NOD2: variants seen among roughly 807,000 people sequenced by gnomAD.
NOD2 encodes nucleotide-binding oligomerization domain-containing protein 2.
Under a neutral mutation model 90.9 loss-of-function variants are expected in NOD2, and 86 were observed. The observed-to-expected ratio is 0.95, with a 90% CI of 0.79 to 1.13. The LOEUF (loss-of-function observed/expected upper bound fraction) is 1.13, where lower values mean the gene tolerates loss of function less well. NOD2 is among the 50% of genes most tolerant of loss of function. NOD2 has a pLI of 0.00. For missense variants in NOD2, 1,238 were observed against 1,283.8 expected, an observed-to-expected ratio of 0.96 and a Z score of 0.55; for synonymous variants, 581 against 554.6, an observed-to-expected ratio of 1.05 and a Z score of -0.67.
chr16:50,720,838 T>C (rs1300828202), intron 7 of NOD2, among the ~76,000 whole-genome samples: 2 of 151,404 alleles, frequency 1.3e-5, no homozygotes, highest in Non-Finnish European at 2.9e-5. Context: ...GTAGTCTCAC[T>C]CTGTTGCCCA....
At chr16:50,719,672 G>A in intron 6 of NOD2, 2 of 631,104 alleles carry the variant, frequency 3.2e-6, no homozygotes, top group Non-Finnish European at 5.9e-6. Flanking sequence ...GCTGCCTACT[G>A]TGGCTCCTGC....
chr16:50,722,790 A>G, intron 8 of NOD2, 85 bp downstream of exon 8: 2 of 1,207,806 alleles, frequency 1.7e-6, no homozygotes, highest in Non-Finnish European at 2.5e-6. Context: ...AGGTCTTTGA[A>G]CTTTATTTCT....
chr16:50,709,869 T>G (rs1306427100), intron 3 of NOD2: 1 of 435,322 alleles, frequency 2.3e-6, no homozygotes, highest in African/African-American at 2.0e-5. Flanking sequence ...ATGTCAGATA[T>G]TCTTTTAAAC....
chr16:50,696,968 C>G (rs1475779714), intron 1 of NOD2, among the ~76,000 whole-genome samples: 1 of 152,248 alleles, frequency 6.6e-6, no homozygotes, highest in Non-Finnish European at 1.5e-5. Flanking sequence ...GGCCTGTCCC[C>G]TCGTGAATGT....
intron 4 of NOD2, among the ~76,000 whole-genome samples, chr16:50,714,620 G>A (rs1964697348): frequency 6.7e-6 from 1 of 149,778 alleles, no homozygotes; most frequent in Admixed American, 6.6e-5. Flanking sequence ...GTGTGTGTGT[G>A]TGTGTGTGTG....
At chr16:50,708,029 A>G (rs924375124) in intron 3 of NOD2, 69 bp downstream of exon 3, 19 of 1,091,996 alleles carry the variant, frequency 1.7e-5, no homozygotes, top group Non-Finnish European at 2.7e-5. Context: ...TAAGAGCAGA[A>G]CACACCTCGG....
In NOD2 at chr16:50,711,751, T is replaced by C. The variant is rs971975181; in HGVS notation, c.1759T>C (p.Tyr587His). The change falls in exon 4 of 12, where the codon TAC becomes CAC. Residue 587 changes from tyrosine to histidine, a missense_variant. Coordinates refer to ENST00000647318, the MANE Select transcript of NOD2 (RefSeq NM_001370466.1). Reference protein sequence around the residue: ...ITFQCFFAAFYLALSADVPPA... With the variant: ...ITFQCFFAAFHLALSADVPPA... Reference sequence around the variant, plus strand: ...TTTCCAGTGCTTCTTTGCCGCGTTCTACCTGGCACTCAGTGCTGATGTGCC... The same window carrying C: ...TTTCCAGTGCTTCTTTGCCGCGTTCCACCTGGCACTCAGTGCTGATGTGCC... 6.2e-7 allele frequency: 1 copy of C among 1,614,240 alleles called. No individual in the cohort carries two copies.
At chr16:50,696,185 G>T (rs1329664336) in intron 1 of NOD2, among the ~76,000 whole-genome samples, 2 of 152,216 alleles carry the variant, frequency 1.3e-5, no homozygotes, top group Non-Finnish European at 2.9e-5. Context: ...GGGTCAGTGG[G>T]CTGAGATTTC....
Position 50,710,978 on chromosome 16 carries a change from C to T in NOD2, c.986C>T (p.Pro329Leu), listed in dbSNP as rs201107567. ...RTLLFEHCCWPDVGQEDIFQL... is the reference protein window; with the variant it reads ...RTLLFEHCCWLDVGQEDIFQL... ...CTACTCTTTGAGCACTGCTGTTGGC[C>T]TGATGTTGGTCAAGAAGACATCTTC... Residue 329 changes from proline to leucine, a missense_variant, in exon 4 of 12, where the codon CCT becomes CTT. Physicochemically the swap from Pro to Leu is moderately conservative, Grantham distance 98. Coordinates refer to ENST00000647318, the MANE Select transcript of NOD2 (RefSeq NM_001370466.1). 9.9e-6 allele frequency: 16 copies of T among 1,614,236 alleles called. No individual in the cohort carries two copies. Among genetic ancestry groups the T allele is most frequent in the Middle Eastern group, 1.6e-4 (1 of 6,062 alleles).
chr16:50,699,177 A>G (rs900069120), intron 1 of NOD2, among the ~76,000 whole-genome samples: 5 of 152,030 alleles, frequency 3.3e-5, no homozygotes, highest in African/African-American at 1.2e-4. Context: ...ACCTTGGGAG[A>G]TCTCTTGCTC....
chr16:50,709,507 A>T (rs1446025792), intron 3 of NOD2, among the ~76,000 whole-genome samples: 2 of 152,170 alleles, frequency 1.3e-5, no homozygotes. Context: ...AGGATGAGAA[A>T]GGAAGAGCAC....
At chr16:50,715,661 C>T (rs1267822703) in intron 4 of NOD2, 3 of 152,186 alleles carry the variant, frequency 2.0e-5, no homozygotes, top group African/African-American at 7.2e-5. Flanking sequence ...CGTGATCCGC[C>T]CGCCTCGGCC....
intron 10 of NOD2, chr16:50,727,708 G>T: frequency 2.7e-6 from 1 of 364,764 alleles, no homozygotes; most frequent in South Asian, 2.2e-5. Context: ...TTGGTTGTGT[G>T]ACATGCAGTC....
intron 2 of NOD2, among the ~76,000 whole-genome samples, chr16:50,702,479 G>A (rs1162182907): frequency 6.6e-6 from 1 of 152,138 alleles, no homozygotes; most frequent in Non-Finnish European, 1.5e-5. Context: ...TTCCCTTAGT[G>A]GCCTTACTGA....
At position 50,729,845 on chromosome 16, in the gene NOD2, AG is replaced by A. The variant is rs1965391642; in HGVS notation, c.2917del (p.Ala973GlnfsTer26). The stretch of plus-strand genomic sequence containing the variant: ...TGTCCAATAACTGCATCACCTACCT[AG>A]GGGCAGAAGCCCTCCTGCAGGCCCT... ...KLSNNCITYL[G>X]AEALLQALER... On this transcript the variant is annotated frameshift_variant, in exon 11 of 12. Coordinates refer to ENST00000647318, the MANE Select transcript of NOD2 (RefSeq NM_001370466.1). LOFTEE classifies it high-confidence loss of function. The A allele has an allele frequency of 6.2e-7, 1 of 1,612,998 alleles. No homozygotes were observed. The highest frequency in any genetic ancestry group is 1.7e-5 in the Admixed American group (1 of 59,992).
chr16:50,714,708 C>T (rs972444368), intron 4 of NOD2, among the ~76,000 whole-genome samples: 1 of 151,780 alleles, frequency 6.6e-6, no homozygotes, highest in South Asian at 2.1e-4. Context: ...AGGCTCCTCT[C>T]CCACAGTGCC....
In NOD2 at chr16:50,719,803, G is replaced by C. The variant is rs1964961334; in HGVS notation, c.2550-122G>C. The C allele has an allele frequency of 3.5e-6, 3 of 859,718 alleles. No homozygotes were observed. The African/African-American group carries it at 4.9e-5, about 14-fold the overall frequency. 53.3% of individuals were successfully genotyped at this position (859,718 alleles called of 1,614,324 possible). The stretch of plus-strand genomic sequence containing the variant: ...CCTAGCAGCGAGGGCACCTGATGTG[G>C]CTGCTGCCTCCCGGGCAGGTCTTCA... On this transcript the variant is annotated intron_variant, in intron 6 of 11. Coordinates refer to ENST00000647318, the MANE Select transcript of NOD2 (RefSeq NM_001370466.1).
intron 2 of NOD2, among the ~76,000 whole-genome samples, chr16:50,704,618 C>T (rs1014278758): frequency 3.3e-5 from 5 of 151,854 alleles, no homozygotes; most frequent in African/African-American, 7.3e-5. Flanking sequence ...ACTGCAACCT[C>T]CACCTCCTGG....
In NOD2 at chr16:50,723,377, G is replaced by A. The variant is rs1338268997; in HGVS notation, c.2794G>A (p.Glu932Lys). Residue 932 changes from glutamate (E) to lysine (K), a missense_variant, in exon 9 of 12, where the codon GAA becomes AAA. Around this residue, in one of 3 missense-constraint regions of NOD2, gnomAD observed 667 missense variants for 688.7 expected, o/e 0.97. Transcript: ENST00000647318. ...LMLAKNVMLE[E>K]LCLEENHLQD... ...GCTGGCAAAGAACGTCATGCTAGAA[G>A]AACTCTGGTGAGTTTGGGGGATTCT... is the stretch of plus-strand genomic sequence containing the variant. 2 of 1,613,802 alleles carry A rather than the reference G, an allele frequency of 1.2e-6. No homozygotes were observed. Among genetic ancestry groups the A allele is most frequent in the Non-Finnish European group, 1.7e-6 (2 of 1,179,792 alleles).
Sources: gnomAD v4.1 joint callset for allele counts (sites outside exome capture counted in the v4.1 genomes callset) on GRCh38, gnomAD v4.1.1 for gene constraint, gnomAD v4.1.1 regional missense constraint, MANE v1.5 for transcripts, NCBI Gene and HGNC (gene_info 2026-07-23, HGNC 2026-07-21) for gene names.